VIPR2: variants seen among roughly 807,000 people sequenced by gnomAD.
VIPR2 encodes the protein vasoactive intestinal peptide receptor 2, also known as vasoactive intestinal polypeptide receptor 2.
A neutral mutation model predicts 58.0 loss-of-function variants in VIPR2; 48 were observed. That is an observed-to-expected ratio of 0.83 (90% CI 0.66 to 1.05). The LOEUF (loss-of-function observed/expected upper bound fraction) is 1.05. VIPR2 is among the 50% of genes least tolerant of loss of function. The pLI, the probability that VIPR2 is intolerant of heterozygous loss-of-function variation, is 0.00. For synonymous variants in VIPR2, 243 were observed against 235.2 expected (o/e 1.03, Z -0.30); for missense variants, 534 against 558.0 (o/e 0.96, Z 0.43).
intron 2 of VIPR2, among the ~76,000 whole-genome samples, chr7:159,115,000 A>G (rs987429441): frequency 6.6e-6 from 1 of 152,224 alleles, no homozygotes; most frequent in East Asian, 1.9e-4. Context: ...TGAAAGAAGA[A>G]CTAAGAGGTA....
chr7:159,122,718 G>A (rs1796500828), intron 2 of VIPR2, among the ~76,000 whole-genome samples: 1 of 151,716 alleles, frequency 6.6e-6, no homozygotes, highest in South Asian at 2.1e-4. Context: ...ATGTAACAGA[G>A]TTTGTAGAAA....
intron 5 of VIPR2, among the ~76,000 whole-genome samples, chr7:159,054,704 C>T (rs995527558): frequency 2.0e-5 from 3 of 152,168 alleles, no homozygotes; most frequent in Non-Finnish European, 4.4e-5. Context: ...GCCTCCTGCC[C>T]TGCTAGTGGG....
chr7:159,123,306 A>G (rs1281800339), intron 2 of VIPR2, among the ~76,000 whole-genome samples: 2 of 151,096 alleles, frequency 1.3e-5, no homozygotes, highest in African/African-American at 4.9e-5. Context: ...AAAAAAAAAA[A>G]AAAAAAAAAG....
chr7:159,096,871 G>A lies in VIPR2; in HGVS notation c.357+6886C>T. ...TCCGCCGTACTGTGTCCATGGCTGA[G>A]ACCACCCTCTCTGTGGCCGCCTTGC... On this transcript the variant is annotated intron_variant, in intron 4 of 12. Transcript: ENST00000262178. The surrounding 1 kb of genome is among the most constrained non-coding windows in gnomAD (Gnocchi z 5.5). 6.5e-7 allele frequency: 1 copy of A among 1,547,304 alleles called. No homozygotes were observed. The highest frequency in any genetic ancestry group is 8.7e-7 in the Non-Finnish European group (1 of 1,145,382).
intron 2 of VIPR2, among the ~76,000 whole-genome samples, chr7:159,131,281 C>T (rs927079668): frequency 7.3e-5 from 11 of 151,584 alleles, no homozygotes; most frequent in African/African-American, 2.7e-4. Context: ...ACTCTCAGGA[C>T]CCCCAAACTC....
intron 5 of VIPR2, among the ~76,000 whole-genome samples, chr7:159,049,808 T>C (rs1372028591): frequency 6.6e-6 from 1 of 152,072 alleles, no homozygotes; most frequent in Non-Finnish European, 1.5e-5. Context: ...CGAATAGCTG[T>C]GGCCCAGAGT....
Position 159,142,520 on chromosome 7 carries a change from C to A in VIPR2, c.77G>T (p.Arg26Leu). 6.2e-7 allele frequency: 1 copy of A among 1,613,808 alleles called. No homozygotes were observed. Among genetic ancestry groups the A allele is most frequent in the Non-Finnish European group, 8.5e-7 (1 of 1,179,900 alleles). Reference protein sequence around the residue: ...APVNSIHPECRFHLEIQEEET... With the variant: ...APVNSIHPECLFHLEIQEEET... ...TTCCTCCTGTATTTCCAGATGAAAT[C>A]GGCATTCTGGGTGAATGCTGTTCAC... Residue 26 changes from arginine to leucine, a missense_variant, in exon 2 of 13, where the codon CGA (arginine) becomes CTA (leucine). Arg to Leu is a moderately radical substitution (Grantham distance 102, BLOSUM62 -2). This residue lies in a region of VIPR2 where 224 missense variants were observed against 255.7 expected (regional missense o/e 0.88). Transcript: ENST00000262178.
At chr7:159,142,366 A>T in intron 2 of VIPR2, 80 bp downstream of exon 2, 1 of 960,576 alleles carries the variant, frequency 1.0e-6, no homozygotes, top group South Asian at 1.6e-5. Context: ...GCAGGTGGTG[A>T]CCCTGAACCA....
chr7:159,056,062 T>C (rs1855311373), intron 5 of VIPR2, among the ~76,000 whole-genome samples: 1 of 152,196 alleles, frequency 6.6e-6, no homozygotes, highest in Admixed American at 6.5e-5. Context: ...TCAGCAACCC[T>C]GCAATGTCCA....
At position 159,031,596 on chromosome 7, in the gene VIPR2, A is replaced by C; in HGVS notation, c.1143+232T>G. 1 of 985,276 alleles carries C rather than the reference A, an allele frequency of 1.0e-6. No individual in the cohort carries two copies. Among genetic ancestry groups the C allele is most frequent in the Non-Finnish European group, 1.2e-6 (1 of 829,902 alleles). 61.0% of individuals were successfully genotyped at this position (985,276 alleles called of 1,614,324 possible). On this transcript the variant is annotated intron_variant, in intron 12 of 12. Transcript: ENST00000262178. The surrounding 1 kb of genome is among the most constrained non-coding windows in gnomAD (Gnocchi z 4.0). ...AGGGCTCCGAGACGGACGGCAGTCG[A>C]TGCTACTTAGGGTGGACGGAAGGAC...
At chr7:159,121,242 A>C (rs1796446730) in intron 2 of VIPR2, among the ~76,000 whole-genome samples, 1 of 147,014 alleles carries the variant, frequency 6.8e-6, no homozygotes, top group Admixed American at 6.8e-5. Context: ...TGCGGGGCAG[A>C]CTCTAACACA....
intron 10 of VIPR2, 67 bp downstream of exon 10, chr7:159,034,146 G>T (rs1357566892): frequency 2.0e-6 from 3 of 1,525,954 alleles, no homozygotes; most frequent in Non-Finnish European, 2.7e-6. Context: ...CTTCCTGGCA[G>T]CGTGGGGGTC....
At chr7:159,111,287 G>C (rs1178843504) in intron 2 of VIPR2, among the ~76,000 whole-genome samples, 1 of 152,226 alleles carries the variant, frequency 6.6e-6, no homozygotes, top group African/African-American at 2.4e-5. Flanking sequence ...GATCAGCAAA[G>C]TTCTGTCCAT....
intron 3 of VIPR2, among the ~76,000 whole-genome samples, chr7:159,108,259 G>A (rs187208428): frequency 3.1e-4 from 47 of 152,326 alleles, no homozygotes; most frequent in South Asian, 6.2e-4. Context: ...GCCCCCAGTC[G>A]CATCCACATC....
chr7:159,076,684 T>G (rs944590907), intron 4 of VIPR2, among the ~76,000 whole-genome samples: 2 of 152,186 alleles, frequency 1.3e-5, no homozygotes, highest in African/African-American at 4.8e-5. Context: ...TTTAATTGGC[T>G]CAAAGAAAAA....
chr7:159,133,244 G>A (rs1440447710), intron 2 of VIPR2, among the ~76,000 whole-genome samples: 1 of 152,306 alleles, frequency 6.6e-6, no homozygotes, highest in African/African-American at 2.4e-5. Context: ...AGGCTGAAGA[G>A]GAGAAGGACT....
Position 159,098,297 on chromosome 7 carries a change from G to C in VIPR2, c.357+5460C>G, listed in dbSNP as rs565883322. Among the ~76,000 whole-genome samples, 1 of 152,150 alleles carries C rather than the reference G, an allele frequency of 6.6e-6. No homozygotes were observed. The highest frequency in any genetic ancestry group is 1.9e-4 in the East Asian group (1 of 5,178). On this transcript the variant is annotated intron_variant, in intron 4 of 12. Coordinates refer to ENST00000262178, the MANE Select transcript of VIPR2 (RefSeq NM_003382.5). The surrounding 1 kb of genome is among the most constrained non-coding windows in gnomAD (Gnocchi z 5.2). ...CCTCAGTCTGCTGGTGGTGGTGCTCGAGAACTGTGGCTTACAGTGCGGGTG... is the reference window on the plus strand; with the variant it reads ...CCTCAGTCTGCTGGTGGTGGTGCTCCAGAACTGTGGCTTACAGTGCGGGTG...
chr7:159,081,783 C>A (rs1392137756), intron 4 of VIPR2, among the ~76,000 whole-genome samples: 1 of 152,030 alleles, frequency 6.6e-6, no homozygotes, highest in Non-Finnish European at 1.5e-5. Context: ...AAAAAAACAA[C>A]CCCATCAAAA....
chr7:159,082,164 A>G (rs955262435), intron 4 of VIPR2, among the ~76,000 whole-genome samples: 2 of 152,206 alleles, frequency 1.3e-5, no homozygotes, highest in Admixed American at 6.5e-5. Context: ...ACACATGCAC[A>G]CGTATGTTTA....
Sources: gnomAD v4.1 joint callset for allele counts (sites outside exome capture counted in the v4.1 genomes callset) on GRCh38, gnomAD v4.1.1 for gene constraint, gnomAD v4.1.1 regional missense constraint, Gnocchi (gnomAD v3.1) non-coding constraint, MANE v1.5 for transcripts, NCBI Gene and HGNC (gene_info 2026-07-23, HGNC 2026-07-21) for gene names.